Variants in SLC24A2 observed in about 807,000 individuals in gnomAD.
The protein encoded by SLC24A2 is solute carrier family 24 member 2.
Under a neutral mutation model 62.0 loss-of-function variants are expected in SLC24A2, and 36 were observed. The observed-to-expected ratio is 0.58, with a 90% CI of 0.44 to 0.77. The LOEUF is 0.77. Ranked by LOEUF, SLC24A2 falls within the 30% of genes least tolerant of loss-of-function variation. The probability of loss-of-function intolerance (pLI) is 0.00; values close to 1 mark genes in which losing one functional copy is unlikely to be tolerated. For missense variants in SLC24A2, 846 were observed against 817.9 expected (o/e 1.03, Z -0.42); for synonymous variants, 358 against 294.0 (o/e 1.22, Z -2.23).
chr9:19,618,731 C>T (rs929927674), intron 4 of SLC24A2, among the ~76,000 whole-genome samples: 7 of 152,190 alleles, frequency 4.6e-5, no homozygotes, highest in Non-Finnish European at 1.0e-4. Context: ...TGGCACGTAT[C>T]TATTTCCTAG....
intron 4 of SLC24A2, among the ~76,000 whole-genome samples, chr9:19,608,761 C>G (rs1230537984): frequency 2.7e-5 from 4 of 148,540 alleles, no homozygotes; most frequent in African/African-American, 9.9e-5. Context: ...GCACTGAAAT[C>G]TCTCTCTCTC....
chr9:20,234,618 A>G, the SLC24A2 span, among the ~76,000 whole-genome samples: 1 of 152,142 alleles, frequency 6.6e-6, no homozygotes, highest in South Asian at 2.1e-4. Context: ...TATTCTAGTT[A>G]TCCATTAATC....
chr9:20,160,634 A>T, the SLC24A2 span, among the ~76,000 whole-genome samples: 1 of 151,362 alleles, frequency 6.6e-6, no homozygotes, highest in Admixed American at 6.6e-5. Context: ...ATTTCATGTA[A>T]AAAATTATAA....
the SLC24A2 span, among the ~76,000 whole-genome samples, chr9:20,192,744 G>T: frequency 6.6e-6 from 1 of 152,160 alleles, no homozygotes; most frequent in Non-Finnish European, 1.5e-5. Flanking sequence ...TGGGCCTGGG[G>T]CCTGGGCATC....
the SLC24A2 span, among the ~76,000 whole-genome samples, chr9:19,899,250 G>A: frequency 6.6e-6 from 1 of 152,208 alleles, no homozygotes; most frequent in Non-Finnish European, 1.5e-5. Flanking sequence ...AGGGGAAATT[G>A]CCCCCTTGGA....
At chr9:19,857,479 T>A in the SLC24A2 span, among the ~76,000 whole-genome samples, 1 of 152,232 alleles carries the variant, frequency 6.6e-6, no homozygotes, top group Non-Finnish European at 1.5e-5. Flanking sequence ...CAATATTCAG[T>A]CTTCCAATTC....
At chr9:19,925,155 GAACA>G in the SLC24A2 span, among the ~76,000 whole-genome samples, 4 of 152,190 alleles carry the variant, frequency 2.6e-5, no homozygotes, top group African/African-American at 2.4e-5. Flanking sequence ...ATGTGCTGTA[GAACA>G]AACAAACATC....
the SLC24A2 span, among the ~76,000 whole-genome samples, chr9:20,251,703 A>G: frequency 6.6e-6 from 1 of 152,228 alleles, no homozygotes; most frequent in Non-Finnish European, 1.5e-5. Flanking sequence ...TTCAAACAAA[A>G]AAATATTTCT....
rs368567579 is a variant in SLC24A2 at position 19,565,158 on chromosome 9, G to A, written c.1347+8193C>T. 1.3e-4 allele frequency among the ~76,000 whole-genome samples: 20 copies of A among 152,264 alleles called. No homozygotes were observed. In the South Asian group the frequency reaches 2.5e-3, roughly 19 times the overall value. On this transcript the variant is annotated intron_variant, in intron 7 of 10. Transcript: ENST00000341998. ...AAATAAAGGTATTCAATTAGGAAAA[G>A]AGGAAGTCAAATTGTCCCTGTTTGC...
At chr9:19,555,019 G>A (rs1443236257) in intron 7 of SLC24A2, among the ~76,000 whole-genome samples, 1 of 152,104 alleles carries the variant, frequency 6.6e-6, no homozygotes, top group East Asian at 1.9e-4. Context: ...TGCAGGTCAG[G>A]GGGCCACATG....
rs774856888 is a variant in SLC24A2 at position 19,786,728 on chromosome 9, C to T, written c.139G>A (p.Val47Ile). 6.2e-7 allele frequency: 1 copy of T among 1,605,816 alleles called. No homozygotes were observed. The highest frequency in any genetic ancestry group is 1.1e-5 in the South Asian group (1 of 90,128). ...GAAAATGAGACAGTGCTAATGGCTA[C>T]CAGACCCATGAAAAGGCCTAAGACT... ...IRVLGLFMGL[V>I]AISTVSFSIS... Residue 47 changes from valine to isoleucine, a missense_variant, in exon 2 of 11, where the codon GTA (valine) becomes ATA (isoleucine). Val to Ile is a conservative substitution (Grantham distance 29, BLOSUM62 3). Transcript: ENST00000341998. The surrounding 1 kb of genome is among the most constrained non-coding windows in gnomAD (Gnocchi z 5.0).
chr9:20,068,785 C>T, the SLC24A2 span, among the ~76,000 whole-genome samples: 2 of 152,118 alleles, frequency 1.3e-5, no homozygotes, highest in Non-Finnish European at 2.9e-5. Context: ...TGCTCTTTCT[C>T]ATACTAATAT....
the SLC24A2 span, among the ~76,000 whole-genome samples, chr9:20,054,763 G>A: frequency 1.3e-5 from 2 of 152,182 alleles, no homozygotes; most frequent in African/African-American, 4.8e-5. Context: ...ATGTGGCCAA[G>A]ACTAATACAA....
At chr9:19,655,894 G>A (rs1818928956) in intron 2 of SLC24A2, among the ~76,000 whole-genome samples, 1 of 152,096 alleles carries the variant, frequency 6.6e-6, no homozygotes, top group Admixed American at 6.6e-5. Context: ...TATGGGAGAA[G>A]GGCACCGTGG....
At chr9:20,162,225 A>T in the SLC24A2 span, among the ~76,000 whole-genome samples, 3 of 151,704 alleles carry the variant, frequency 2.0e-5, no homozygotes, top group African/African-American at 4.8e-5. Flanking sequence ...GCAACATAGC[A>T]AGACACCTCT....
the SLC24A2 span, among the ~76,000 whole-genome samples, chr9:19,912,981 C>T: frequency 2.0e-5 from 3 of 152,042 alleles, no homozygotes. Context: ...TATTAATATT[C>T]TCTCCTTCTT....
intron 8 of SLC24A2, among the ~76,000 whole-genome samples, chr9:19,541,344 CT>C (rs1431792244): frequency 6.7e-6 from 1 of 150,318 alleles, no homozygotes; most frequent in East Asian, 2.0e-4. Flanking sequence ...GTTTTATCTA[CT>C]TTTGGTCTTT....
chr9:19,899,626 T>C, the SLC24A2 span, among the ~76,000 whole-genome samples: 1 of 152,334 alleles, frequency 6.6e-6, no homozygotes, highest in Admixed American at 6.5e-5. Context: ...GTAGTATTAG[T>C]TCATTCTCAT....
the SLC24A2 span, among the ~76,000 whole-genome samples, chr9:19,814,544 T>G: frequency 6.6e-6 from 1 of 152,210 alleles, no homozygotes; most frequent in Non-Finnish European, 1.5e-5. Flanking sequence ...TTGGAGAGAA[T>G]GTGCTAATCC....
Sources: gnomAD v4.1 joint callset for allele counts (sites outside exome capture counted in the v4.1 genomes callset) on GRCh38, gnomAD v4.1.1 for gene constraint, Gnocchi (gnomAD v3.1) non-coding constraint, MANE v1.5 for transcripts, NCBI Gene and HGNC (gene_info 2026-07-23, HGNC 2026-07-21) for gene names.